Variants in WWOX observed in about 807,000 individuals in gnomAD.
The protein encoded by WWOX is WW domain-containing oxidoreductase.
Under a neutral mutation model 46.2 loss-of-function variants are expected in WWOX, and 69 were observed. The ratio of observed to expected loss-of-function variants is 1.49; its 90% CI spans 1.23 to 1.82. The LOEUF (loss-of-function observed/expected upper bound fraction) is 1.82. WWOX is among the 40% of genes most tolerant of loss of function. WWOX has a pLI of 0.00. For synonymous variants in WWOX, 359 were observed against 202.6 expected (o/e 1.77, Z -6.56); for missense variants, 919 against 542.6 (o/e 1.69, Z -6.89).
At chr16:79,208,120 C>G (rs1200300486) in intron 8 of WWOX, among the ~76,000 whole-genome samples, 1 of 152,152 alleles carries the variant, frequency 6.6e-6, no homozygotes, top group Non-Finnish European at 1.5e-5. Context: ...CTCTTAATCC[C>G]AAACAAGAGT....
intron 8 of WWOX, among the ~76,000 whole-genome samples, chr16:78,935,439 G>C (rs1166230501): frequency 6.6e-6 from 1 of 152,118 alleles, no homozygotes; most frequent in Non-Finnish European, 1.5e-5. Context: ...AAAAGGATGA[G>C]TTCATGTCTC....
chr16:78,557,367 C>T (rs1048419583), intron 8 of WWOX, among the ~76,000 whole-genome samples: 1 of 152,178 alleles, frequency 6.6e-6, no homozygotes. Context: ...GCACCGGGCT[C>T]TTGGGAATAT....
chr16:78,137,064 C>T (rs1350262955), intron 4 of WWOX, among the ~76,000 whole-genome samples: 1 of 152,170 alleles, frequency 6.6e-6, no homozygotes, highest in African/African-American at 2.4e-5. Flanking sequence ...TAAGTTGGAT[C>T]AGCTCCCTTG....
chr16:79,030,504 C>T (rs1442821278), intron 8 of WWOX, among the ~76,000 whole-genome samples: 1 of 152,204 alleles, frequency 6.6e-6, no homozygotes, highest in Non-Finnish European at 1.5e-5. Context: ...AGAAACTCTG[C>T]CACAGAGGCA....
intron 8 of WWOX, among the ~76,000 whole-genome samples, chr16:78,610,432 C>G (rs935314715): frequency 4.6e-5 from 7 of 152,140 alleles, no homozygotes; most frequent in Non-Finnish European, 8.8e-5. Context: ...ACAAATCTGT[C>G]TTTGAACGAG....
chr16:78,760,740 C>G (rs905516827), intron 8 of WWOX, among the ~76,000 whole-genome samples: 4 of 152,210 alleles, frequency 2.6e-5, no homozygotes, highest in South Asian at 2.1e-4. Context: ...GGCAGAATAC[C>G]TCTCATGCCT....
At chr16:78,570,698 A>C (rs1001631171) in intron 8 of WWOX, among the ~76,000 whole-genome samples, 2 of 152,248 alleles carry the variant, frequency 1.3e-5, no homozygotes, top group African/African-American at 4.8e-5. Flanking sequence ...CAGACAAGCC[A>C]GGTTTACAGA....
chr16:78,468,160 T>G (rs1053822005), intron 8 of WWOX, among the ~76,000 whole-genome samples: 4 of 152,176 alleles, frequency 2.6e-5, no homozygotes, highest in Non-Finnish European at 4.4e-5. Context: ...GGATCTTCAC[T>G]GCTTTTACTA....
At chr16:78,850,502 A>G (rs1489337776) in intron 8 of WWOX, among the ~76,000 whole-genome samples, 5 of 152,318 alleles carry the variant, frequency 3.3e-5, no homozygotes, top group African/African-American at 1.2e-4. Context: ...TATACCGTTT[A>G]TAGTTTTTTT....
intron 8 of WWOX, among the ~76,000 whole-genome samples, chr16:79,040,300 G>C (rs950853383): frequency 7.5e-6 from 1 of 132,568 alleles, no homozygotes; most frequent in South Asian, 2.5e-4. Flanking sequence ...TTTGAGACAA[G>C]GTCTCATTCT....
chr16:78,385,115 CAG>C (rs1256812397), intron 5 of WWOX, among the ~76,000 whole-genome samples: 9 of 130,206 alleles, frequency 6.9e-5, no homozygotes, highest in East Asian at 6.5e-4. Context: ...GCCTGGGCGA[CAG>C]AGTGAGACTC....
At chr16:78,374,739 A>G (rs1280465935) in intron 5 of WWOX, among the ~76,000 whole-genome samples, 2 of 151,704 alleles carry the variant, frequency 1.3e-5, no homozygotes, top group African/African-American at 2.4e-5. Context: ...ATTAGTAGAG[A>G]TGGGGTTTCA....
At chr16:79,137,837 C>T (rs1009234840) in intron 8 of WWOX, among the ~76,000 whole-genome samples, 13 of 152,010 alleles carry the variant, frequency 8.6e-5, no homozygotes, top group African/African-American at 1.9e-4. Flanking sequence ...CTTCTGGCCC[C>T]GTCCTGGGGA....
intron 8 of WWOX, among the ~76,000 whole-genome samples, chr16:78,689,582 C>G (rs1597448675): frequency 6.6e-6 from 1 of 152,182 alleles, no homozygotes; most frequent in African/African-American, 2.4e-5. Flanking sequence ...CCCTTCATGT[C>G]TGATCACCCT....
At chr16:78,444,487 G>A (rs2083513531) in intron 8 of WWOX, among the ~76,000 whole-genome samples, 1 of 151,312 alleles carries the variant, frequency 6.6e-6, no homozygotes, top group Admixed American at 6.6e-5. Context: ...ATATTTTCAT[G>A]TCAGAAATTA....
At chr16:79,189,256 T>C (rs2051080578) in intron 8 of WWOX, among the ~76,000 whole-genome samples, 1 of 152,054 alleles carries the variant, frequency 6.6e-6, no homozygotes, top group Non-Finnish European at 1.5e-5. Context: ...ATTTCTTTTT[T>C]TTTTCTTTTT....
intron 7 of WWOX, among the ~76,000 whole-genome samples, chr16:78,429,464 G>A (rs2083166668): frequency 6.6e-6 from 1 of 152,158 alleles, no homozygotes. Flanking sequence ...GAGCTTCCTG[G>A]AAGAAGTAGT....
chr16:79,013,850 C>T (rs887641879), intron 8 of WWOX, among the ~76,000 whole-genome samples: 6 of 152,290 alleles, frequency 3.9e-5, no homozygotes, highest in East Asian at 1.9e-4. Flanking sequence ...TTTTCATTCT[C>T]GCTCTGCCGC....
At chr16:78,803,178 GTTC>G (rs1238970930) in intron 8 of WWOX, among the ~76,000 whole-genome samples, 1 of 151,214 alleles carries the variant, frequency 6.6e-6, no homozygotes, top group Non-Finnish European at 1.5e-5. Context: ...CAACAAGTCA[GTTC>G]TTAACACAAA....
Sources: gnomAD v4.1 joint callset for allele counts (sites outside exome capture counted in the v4.1 genomes callset) on GRCh38, gnomAD v4.1.1 for gene constraint, MANE v1.5 for transcripts, NCBI Gene and HGNC (gene_info 2026-07-23, HGNC 2026-07-21) for gene names.